The following MAN2B2 variants were observed in gnomAD, a reference collection of about 807,000 sequenced individuals.
MAN2B2 encodes the protein mannosidase alpha class 2B member 2.
MAN2B2 carries 106 observed loss-of-function variants against 117.1 expected under a neutral mutation model. The observed-to-expected ratio is 0.90, with a 90% CI of 0.77 to 1.06. The LOEUF (loss-of-function observed/expected upper bound fraction) is 1.06. Ranked by LOEUF, MAN2B2 falls within the 50% of genes least tolerant of loss-of-function variation. The pLI is 0.00. For synonymous variants in MAN2B2, 544 were observed against 595.1 expected (o/e 0.91, Z 1.25); for missense variants, 1,326 against 1,381.4 (o/e 0.96, Z 0.64).
chr4:6,598,445 ACT>A (rs1727196582), intron 9 of MAN2B2, 91 bp downstream of exon 9: 1 of 1,377,034 alleles, frequency 7.3e-7, no homozygotes, highest in Non-Finnish European at 9.8e-7. Context: ...CCAGCTTCAG[ACT>A]CTGAGTCCAC....
chr4:6,592,176 G>T (rs368588303), intron 5 of MAN2B2, among the ~76,000 whole-genome samples: 17 of 152,216 alleles, frequency 1.1e-4, no homozygotes, highest in Non-Finnish European at 1.9e-4. Context: ...CAAGGCAGAG[G>T]GGGTGAAGAA....
chr4:6,611,006 T>C lies in MAN2B2; in HGVS notation c.2370+16T>C. 6.2e-7 allele frequency: 1 copy of C among 1,613,968 alleles called. No homozygotes were observed. Among genetic ancestry groups the C allele is most frequent in the Non-Finnish European group, 8.5e-7 (1 of 1,179,858 alleles). On this transcript the variant is annotated intron_variant, in intron 14 of 18. Transcript: ENST00000285599. ...GCAGGTGGAGGTAGGAGGCACGGTC[T>C]GTCCTACAGCAGCCCCTCGCGGCCC...
At chr4:6,608,890 C>T (rs912584083) in intron 11 of MAN2B2, among the ~76,000 whole-genome samples, 1 of 152,178 alleles carries the variant, frequency 6.6e-6, no homozygotes, top group Non-Finnish European at 1.5e-5. Flanking sequence ...AGGCTCTGTC[C>T]GTCTCCTCGT....
chr4:6,615,238 T>G (rs930735008), intron 16 of MAN2B2, among the ~76,000 whole-genome samples: 4 of 149,708 alleles, frequency 2.7e-5, no homozygotes, highest in Non-Finnish European at 6.0e-5. Context: ...TCTATAAAAA[T>G]AAAAATAGAA....
chr4:6,605,387 C>T, intron 11 of MAN2B2, 58 bp downstream of exon 11: 1 of 1,543,726 alleles, frequency 6.5e-7, no homozygotes, highest in Non-Finnish European at 8.7e-7. Flanking sequence ...CTGGGCATGT[C>T]AGGCCCCTAC....
intron 1 of MAN2B2, among the ~76,000 whole-genome samples, chr4:6,576,085 C>T (rs933964792): frequency 6.6e-6 from 1 of 152,152 alleles, no homozygotes; most frequent in African/African-American, 2.4e-5. Context: ...CTTGGAGCTC[C>T]CAGCCTTGGG....
intron 18 of MAN2B2, 67 bp downstream of exon 18, chr4:6,620,111 C>T (rs1025670670): frequency 4.2e-5 from 56 of 1,333,586 alleles, no homozygotes; most frequent in Non-Finnish European, 5.3e-5. Context: ...TGGTCAGACC[C>T]GGTGCACATC....
chr4:6,615,740 C>T (rs1490141570), intron 16 of MAN2B2, among the ~76,000 whole-genome samples: 2 of 152,018 alleles, frequency 1.3e-5, no homozygotes, highest in African/African-American at 4.8e-5. Flanking sequence ...TTCAAGGCTG[C>T]AGTGAGCTGT....
At chr4:6,579,068 A>T in intron 3 of MAN2B2, among the ~76,000 whole-genome samples, 1 of 90,180 alleles carries the variant, frequency 1.1e-5, no homozygotes, top group East Asian at 3.3e-4. Flanking sequence ...CACCATCACC[A>T]TCACCACCAC....
intron 2 of MAN2B2, among the ~76,000 whole-genome samples, chr4:6,577,497 C>T (rs1726112120): frequency 6.6e-6 from 1 of 152,232 alleles, no homozygotes; most frequent in South Asian, 2.1e-4. Flanking sequence ...CCGCCAGAGT[C>T]ACGGGAAGGA....
chr4:6,610,306 GC>G (rs1727721292), intron 13 of MAN2B2, among the ~76,000 whole-genome samples: 1 of 152,114 alleles, frequency 6.6e-6, no homozygotes, highest in Admixed American at 6.5e-5. Flanking sequence ...ACAGCCGCCT[GC>G]CACCATGCCC....
intron 1 of MAN2B2, among the ~76,000 whole-genome samples, chr4:6,575,750 C>A (rs1270106145): frequency 6.6e-6 from 1 of 152,168 alleles, no homozygotes; most frequent in Non-Finnish European, 1.5e-5. Flanking sequence ...GCCAGCTCAG[C>A]GTCCTCCGCC....
chr4:6,581,077 C>T (rs1192119984), intron 3 of MAN2B2, among the ~76,000 whole-genome samples: 4 of 152,068 alleles, frequency 2.6e-5, no homozygotes, highest in Admixed American at 6.5e-5. Context: ...AAGATGTACA[C>T]GTATTTTTTT....
At chr4:6,596,947 T>C (rs1266823479) in intron 7 of MAN2B2, among the ~76,000 whole-genome samples, 166 bp from the exon 8 acceptor site, 4 of 152,144 alleles carry the variant, frequency 2.6e-5, no homozygotes, top group Non-Finnish European at 5.9e-5. Flanking sequence ...GAGGCCTGAG[T>C]TGGGAGCCGT....
rs777342074 is a variant in MAN2B2 at position 6,598,253 on chromosome 4, A to G, written c.1304A>G (p.Tyr435Cys). ...GAGTCCCCCAAGGTGAGAGACATGT[A>G]CGCAACGCACCTGGCCTCGGGGATG... ...GTESPKVRDM[Y>C]ATHLASGMLG... Residue 435 changes from tyrosine to cysteine, a missense_variant, in exon 9 of 19, where the codon TAC becomes TGC. Physicochemically the swap from Tyr to Cys is radical, Grantham distance 194. Transcript: ENST00000285599. 3 of 1,613,760 alleles carry G rather than the reference A, an allele frequency of 1.9e-6. No homozygotes were observed. The South Asian group carries it at 3.3e-5, about 18-fold the overall frequency.
intron 10 of MAN2B2, among the ~76,000 whole-genome samples, chr4:6,602,751 C>G (rs1727380599): frequency 6.6e-6 from 1 of 151,824 alleles, no homozygotes; most frequent in Admixed American, 6.6e-5. Context: ...CTCACTGCAG[C>G]CTCAACATCC....
intron 2 of MAN2B2, among the ~76,000 whole-genome samples, chr4:6,577,744 G>A (rs1193901675): frequency 6.6e-6 from 1 of 152,224 alleles, no homozygotes; most frequent in Non-Finnish European, 1.5e-5. Flanking sequence ...CTGTCTCCTA[G>A]CCCTCAAAGA....
intron 7 of MAN2B2, among the ~76,000 whole-genome samples, chr4:6,596,141 TGGTATCCAGGTGGGC>T (rs1727071500): frequency 6.9e-6 from 1 of 145,468 alleles, no homozygotes; most frequent in Admixed American, 6.9e-5. Flanking sequence ...CAGGTGGGCG[TGGTATCCAGGTGGGC>T]GTGGTATCCA....
intron 1 of MAN2B2, among the ~76,000 whole-genome samples, chr4:6,576,197 C>T (rs1726052681): frequency 6.6e-6 from 1 of 152,186 alleles, no homozygotes; most frequent in African/African-American, 2.4e-5. Context: ...GTCACTGGAC[C>T]ACACCCCGAC....
Sources: gnomAD v4.1 joint callset for allele counts (sites outside exome capture counted in the v4.1 genomes callset) on GRCh38, gnomAD v4.1.1 for gene constraint, MANE v1.5 for transcripts, NCBI Gene and HGNC (gene_info 2026-07-23, HGNC 2026-07-21) for gene names.